The following SLC2A7 variants were observed in gnomAD, a reference collection of about 807,000 sequenced individuals.
SLC2A7 encodes solute carrier family 2 member 7, also known as solute carrier family 2, facilitated glucose transporter member 7.
SLC2A7 carries 50 observed loss-of-function variants against 50.5 expected under a neutral mutation model. The ratio of observed to expected loss-of-function variants is 0.99; its 90% CI spans 0.79 to 1.25. The LOEUF (loss-of-function observed/expected upper bound fraction) is 1.25, where lower values mean the gene tolerates loss of function less well. Among genes scored for constraint, SLC2A7 ranks in the 50% most tolerant of loss-of-function variants. The pLI is 0.00. For synonymous variants in SLC2A7, 308 were observed against 300.4 expected, an observed-to-expected ratio of 1.03 and a Z score of -0.26; for missense variants, 683 against 679.1, an observed-to-expected ratio of 1.01 and a Z score of -0.06.
In SLC2A7 at chr1:9,010,133, G is replaced by A; in HGVS notation, c.1116+10C>T. On this transcript the variant is annotated intron_variant, in intron 9 of 11. Transcript: ENST00000400906. ...ACTCCCCACCCAGGGGGCAGGAAAT[G>A]AGGTCAGACCTGGAATAGGAGCACC... 6.5e-7 allele frequency: 1 copy of A among 1,540,414 alleles called. No individual in the cohort carries two copies. The highest frequency in any genetic ancestry group is 8.8e-7 in the Non-Finnish European group (1 of 1,137,902).
intron 11 of SLC2A7, among the ~76,000 whole-genome samples, chr1:9,004,046 G>A (rs530306043): frequency 1.2e-4 from 18 of 150,896 alleles, no homozygotes; most frequent in Non-Finnish European, 2.4e-4. Flanking sequence ...GCTAGAAATT[G>A]GATTCCCCCT....
chr1:8,999,872 A>G (rs1255164784), downstream of SLC2A7, among the ~76,000 whole-genome samples: 2 of 152,144 alleles, frequency 1.3e-5, no homozygotes, highest in East Asian at 3.8e-4. Context: ...CCAGACAGAG[A>G]ATGGGCCCAA....
intron 3 of SLC2A7, 48 bp from the exon 4 acceptor site, chr1:9,019,381 A>G (rs1260088904): frequency 1.2e-6 from 2 of 1,605,264 alleles, no homozygotes; most frequent in African/African-American, 1.3e-5. Context: ...GAGGCCGCGG[A>G]AGCCCTCCCA....
chr1:9,013,760 A>T (rs1421442070), intron 7 of SLC2A7, 125 bp from the exon 8 acceptor site: 4 of 741,658 alleles, frequency 5.4e-6, no homozygotes, highest in African/African-American at 5.3e-5. Context: ...GGAAGAGGGT[A>T]GCAGGTGGTG....
rs755688872 is a variant in SLC2A7 at position 9,023,036 on chromosome 1, C to A, written c.193G>T (p.Ala65Ser). The change falls in exon 3 of 12, where the codon GCA (alanine) becomes TCA (serine). Residue 65 changes from alanine (A) to serine (S), a missense_variant. By Grantham distance (99) the Ala-to-Ser change is moderately conservative (BLOSUM62 1). Transcript: ENST00000400906. ...FYNETYFERH[A>S]TFMDGKLMLL... ...ATGAGCTTCCCGTCCATGAATGTTG[C>A]GTGTCGCTCAAAGTAGGTTTCGTTG... 6.2e-7 allele frequency: 1 copy of A among 1,614,072 alleles called. No homozygotes were observed. The highest frequency in any genetic ancestry group is 8.5e-7 in the Non-Finnish European group (1 of 1,179,976).
chr1:8,995,638 G>A, the SLC2A7 span, among the ~76,000 whole-genome samples: 13 of 152,128 alleles, frequency 8.5e-5, no homozygotes, highest in African/African-American at 1.4e-4. Context: ...CCAGCTACTC[G>A]GGAGGCTGAG....
intron 2 of SLC2A7, 124 bp from the exon 3 acceptor site, chr1:9,023,202 G>A: frequency 1.1e-6 from 1 of 946,596 alleles, no homozygotes; most frequent in Non-Finnish European, 1.5e-6. Context: ...ATAAGACACA[G>A]TTAAACCCAC....
At chr1:9,005,764 AGAGT>A (rs1569781365) in intron 10 of SLC2A7, among the ~76,000 whole-genome samples, 1 of 149,352 alleles carries the variant, frequency 6.7e-6, no homozygotes, top group East Asian at 2.0e-4. Context: ...CCTGGGCAAC[AGAGT>A]GAGACTCCAA....
downstream of SLC2A7, among the ~76,000 whole-genome samples, chr1:9,000,827 C>T (rs1338606761): frequency 1.3e-5 from 2 of 151,236 alleles, no homozygotes; most frequent in African/African-American, 4.9e-5. Flanking sequence ...AATCCAGTGC[C>T]CCAGGTGTGA....
chr1:8,993,268 A>G, the SLC2A7 span, among the ~76,000 whole-genome samples: 9 of 152,208 alleles, frequency 5.9e-5, no homozygotes, highest in Admixed American at 1.3e-4. Flanking sequence ...TGCCTCCATG[A>G]TTCAATTACC....
chr1:9,024,322 C>T (rs573485759), intron 2 of SLC2A7, among the ~76,000 whole-genome samples: 42 of 152,226 alleles, frequency 2.8e-4, no homozygotes, highest in Non-Finnish European at 4.4e-4. Context: ...TCGGAGGTTC[C>T]ATCCATGGTA....
Position 9,003,229 on chromosome 1 carries a change from C to T in SLC2A7, c.*71G>A, listed in dbSNP as rs572740048. ...CTCCGTGCTATTATCCTCCCCAGAG[C>T]CTGGGGCCGGGAGGCCCATTGTCAT... On this transcript the variant is annotated 3_prime_UTR_variant, in exon 12 of 12. Coordinates refer to ENST00000400906, the MANE Select transcript of SLC2A7 (RefSeq NM_207420.3). 6.9e-6 allele frequency: 10 copies of T among 1,450,622 alleles called. No homozygotes were observed. In the East Asian group the frequency reaches 1.4e-4, roughly 20 times the overall value. The allele number at this position is 1,450,622 out of a possible 1,614,324, so 89.9% of individuals were successfully genotyped here.
chr1:9,017,281 T>C (rs7518462), intron 5 of SLC2A7, among the ~76,000 whole-genome samples: 39,636 of 151,958 alleles, frequency 0.26, 5,484 homozygotes, highest in African/African-American at 0.34. Context: ...GATCGCGCCA[T>C]TGCACTCCAG....
At chr1:9,020,033 T>C (rs1283297010) in intron 3 of SLC2A7, among the ~76,000 whole-genome samples, 6 of 152,236 alleles carry the variant, frequency 3.9e-5, no homozygotes, top group Admixed American at 6.5e-5. Flanking sequence ...TGATCTTGAA[T>C]TTCTATCCTG....
intron 3 of SLC2A7, among the ~76,000 whole-genome samples, chr1:9,021,062 T>G (rs1640906214): frequency 6.6e-6 from 1 of 152,208 alleles, no homozygotes; most frequent in African/African-American, 2.4e-5. Context: ...GGGTATGTCT[T>G]TATCAGCAGC....
At chr1:9,026,136 G>A (rs1213774756) in intron 1 of SLC2A7, among the ~76,000 whole-genome samples, 159 bp downstream of exon 1, 1 of 152,212 alleles carries the variant, frequency 6.6e-6, no homozygotes, top group Non-Finnish European at 1.5e-5. Flanking sequence ...GAGCATAGCT[G>A]CTTCTCCACA....
rs1293544283 is a variant in SLC2A7, at chr1:9,024,909, G to A, written c.150+67C>T. Reference sequence around the variant, plus strand: ...GGCAGCCTCCACGGAGGAAGATGGCGGCTACCTTCCACCCACGACCCCGGT... The same window carrying A: ...GGCAGCCTCCACGGAGGAAGATGGCAGCTACCTTCCACCCACGACCCCGGT... On this transcript the variant is annotated intron_variant, in intron 2 of 11. Transcript: ENST00000400906. The A allele has an allele frequency of 6.3e-5, 97 of 1,551,438 alleles. 1 individual carries two copies. The highest frequency in any genetic ancestry group is 1.2e-4 in the African/African-American group (9 of 73,576).
chr1:9,024,780 G>A (rs569081963), intron 2 of SLC2A7, among the ~76,000 whole-genome samples, 196 bp downstream of exon 2: 6 of 152,270 alleles, frequency 3.9e-5, no homozygotes, highest in Admixed American at 3.9e-4. Flanking sequence ...CACTCCAGGG[G>A]GAAACACCTC....
chr1:9,025,868 C>T (rs1391815585), intron 1 of SLC2A7, among the ~76,000 whole-genome samples: 1 of 152,174 alleles, frequency 6.6e-6, no homozygotes. Flanking sequence ...CTCCACCCCT[C>T]ACTCCTGTTC....
Sources: allele counts gnomAD v4.1 joint callset (sites outside exome capture counted in the v4.1 genomes callset), GRCh38; gene constraint gnomAD v4.1.1; transcripts MANE v1.5; gene names NCBI Gene and HGNC (gene_info 2026-07-23, HGNC 2026-07-21).